The following CDH3 variants were observed in gnomAD, a reference collection of about 807,000 sequenced individuals.
CDH3 encodes cadherin-3.
In CDH3, 54 loss-of-function variants were observed where a neutral mutation model predicts 82.0. The observed-to-expected ratio is 0.66, with a 90% CI of 0.53 to 0.83. The LOEUF (loss-of-function observed/expected upper bound fraction) is 0.83, where lower values mean the gene tolerates loss of function less well. Ranked by LOEUF, CDH3 falls within the 40% of genes least tolerant of loss-of-function variation. The pLI is 0.00. For synonymous variants in CDH3, 446 were observed against 437.9 expected (o/e 1.02, Z -0.23); for missense variants, 1,054 against 1,084.6 (o/e 0.97, Z 0.40).
At chr16:68,680,783 C>G (rs1458638081) in intron 7 of CDH3, among the ~76,000 whole-genome samples, 185 bp from the exon 8 acceptor site, 1 of 152,202 alleles carries the variant, frequency 6.6e-6, no homozygotes, top group African/African-American at 2.4e-5. Flanking sequence ...CTCGTTCCCT[C>G]TCCAACAGCA....
chr16:68,675,632 T>C (rs1961009803), intron 2 of CDH3, among the ~76,000 whole-genome samples: 1 of 151,688 alleles, frequency 6.6e-6, no homozygotes, highest in Admixed American at 6.6e-5. Flanking sequence ...CAATCTCTAC[T>C]AAAAAACAAA....
chr16:68,685,309 G>A lies in CDH3; in HGVS notation c.1529G>A (p.Arg510Lys). ...TLDREDEQFV[R>K]NNIYEVMVLA... is the part of the protein sequence containing the mutation. ...GACCGTGAGGATGAGCAGTTTGTGA[G>A]GAACAACATCTATGAAGTCATGGTC... is the stretch of plus-strand genomic sequence containing the variant. The change falls in exon 11 of 16, where the codon AGG becomes AAG. Residue 510 changes from arginine to lysine, a missense_variant. Physicochemically the swap from Arg to Lys is conservative, Grantham distance 26. Coordinates refer to ENST00000264012, the MANE Select transcript of CDH3 (RefSeq NM_001793.6). 3 of 1,614,164 alleles carry A rather than the reference G, an allele frequency of 1.9e-6. No homozygotes were observed. Among genetic ancestry groups the A allele is most frequent in the Non-Finnish European group, 2.5e-6 (3 of 1,180,028 alleles).
chr16:68,691,618 A>G, intron 12 of CDH3, 102 bp from the exon 13 acceptor site: 1 of 892,534 alleles, frequency 1.1e-6, no homozygotes, highest in Non-Finnish European at 1.9e-6. Context: ...ATTTCTCTGC[A>G]TTGCCCACAT....
At chr16:68,691,618 A>AT in intron 12 of CDH3, 102 bp from the exon 13 acceptor site, 1 of 892,534 alleles carries the variant, frequency 1.1e-6, no homozygotes, top group South Asian at 1.3e-5. Flanking sequence ...ATTTCTCTGC[A>AT]TTGCCCACAT....
chr16:68,731,020 C>CAAAAAAAAA (rs1168041237), downstream of CDH3, among the ~76,000 whole-genome samples: 1 of 34,918 alleles, frequency 2.9e-5, no homozygotes, highest in Non-Finnish European at 4.2e-5. Flanking sequence ...AACTCCGTCT[C>CAAAAAAAAA]AAAAAAAAAA....
At chr16:68,659,517 G>A (rs1328896146) in intron 2 of CDH3, among the ~76,000 whole-genome samples, 1 of 151,664 alleles carries the variant, frequency 6.6e-6, no homozygotes, top group African/African-American at 2.4e-5. Flanking sequence ...GGAGGTTGCA[G>A]TGAGCCAAGA....
At chr16:68,718,888 G>A (rs1962125511) in intron 1 of CDH3, among the ~76,000 whole-genome samples, 1 of 152,048 alleles carries the variant, frequency 6.6e-6, no homozygotes, top group Non-Finnish European at 1.5e-5. Context: ...TCATTAACTG[G>A]TAAATGGATA....
Position 68,698,400 on chromosome 16 carries a change from G to A in CDH3, c.2490G>A (p.Ter830=), listed in dbSNP as rs541518349. 1 of 1,613,678 alleles carries A rather than the reference G, an allele frequency of 6.2e-7. No individual in the cohort carries two copies. The highest frequency in any genetic ancestry group is 1.7e-5 in the Admixed American group (1 of 60,028). ...TGTACGGTGGCGGGGAGGACGACTA[G>A]GCGGCCTGCCTGCAGGGCTGGGGAC... ...ADMYGGGEDD[*] The change falls in exon 16 of 16, where the codon TAG becomes TAA. Residue 830 remains the stop codon, a stop_retained_variant. Coordinates refer to ENST00000264012, the MANE Select transcript of CDH3 (RefSeq NM_001793.6).
chr16:68,684,715 G>T lies in CDH3; in HGVS notation c.1315G>T (p.Val439Leu), dbSNP rs150520891. ...CGTGGAGGATGTGAATGAGGCACCT[G>T]TGTTTGTCCCACCCTCCAAAGTCGT... ...VHVEDVNEAPVFVPPSKVVEV... is the reference protein window; with the variant it reads ...VHVEDVNEAPLFVPPSKVVEV... Residue 439 changes from valine to leucine, a missense_variant, in exon 10 of 16, where the codon GTG becomes TTG. By Grantham distance (32) the Val-to-Leu change is conservative. Coordinates refer to ENST00000264012, the MANE Select transcript of CDH3 (RefSeq NM_001793.6). 6.2e-7 allele frequency: 1 copy of T among 1,614,098 alleles called. No individual in the cohort carries two copies. Among genetic ancestry groups the T allele is most frequent in the African/African-American group, 1.3e-5 (1 of 74,940 alleles).
chr16:68,696,000 C>CCTGG, intron 15 of CDH3, 77 bp downstream of exon 15: 1 of 1,510,274 alleles, frequency 6.6e-7, no homozygotes. Flanking sequence ...CAAGCATGGG[C>CCTGG]CTGGAGTCTT....
chr16:68,663,588 A>C (rs1180900170), intron 2 of CDH3, among the ~76,000 whole-genome samples: 2 of 151,922 alleles, frequency 1.3e-5, no homozygotes, highest in African/African-American at 4.8e-5. Flanking sequence ...CATTTTTAAG[A>C]GATTCATCTT....
intron 2 of CDH3, among the ~76,000 whole-genome samples, chr16:68,653,713 G>A (rs1470829025): frequency 2.1e-5 from 3 of 141,468 alleles, no homozygotes; most frequent in East Asian, 2.1e-4. Context: ...TTTTTGAGAC[G>A]GAGTCTCGCT....
chr16:68,666,004 C>T (rs943447473), intron 2 of CDH3, among the ~76,000 whole-genome samples: 1 of 152,120 alleles, frequency 6.6e-6, no homozygotes, highest in African/African-American at 2.4e-5. Context: ...CCATACGGGA[C>T]CTTTGTCTTT....
chr16:68,710,093 A>G (rs1962008461), intron 1 of CDH3, among the ~76,000 whole-genome samples: 1 of 152,220 alleles, frequency 6.6e-6, no homozygotes, highest in Non-Finnish European at 1.5e-5. Context: ...CATTGGGGGA[A>G]GGAACCCACA....
intron 13 of CDH3, among the ~76,000 whole-genome samples, 182 bp from the exon 14 acceptor site, chr16:68,695,073 C>G (rs3785135): frequency 6.6e-6 from 1 of 151,918 alleles, no homozygotes; most frequent in East Asian, 1.9e-4. Flanking sequence ...TAGGCTGGGA[C>G]CAAATCTTGC....
intron 1 of CDH3, among the ~76,000 whole-genome samples, chr16:68,712,698 T>C (rs958292346): frequency 4.6e-5 from 7 of 152,020 alleles, no homozygotes; most frequent in South Asian, 2.1e-4. Context: ...CTTTTTTTTT[T>C]TGAGATGGCG....
chr16:68,676,128 C>T (rs900138660), intron 2 of CDH3, among the ~76,000 whole-genome samples: 1 of 152,184 alleles, frequency 6.6e-6, no homozygotes, highest in Non-Finnish European at 1.5e-5. Context: ...TCTTGGTCCT[C>T]TGGGACCAAG....
At chr16:68,682,601 G>A in intron 9 of CDH3, 114 bp downstream of exon 9, 1 of 964,260 alleles carries the variant, frequency 1.0e-6, no homozygotes, top group South Asian at 1.3e-5. Context: ...TACCAGCCCA[G>A]TGGCTCCCAA....
At chr16:68,669,348 G>A (rs1369944081) in intron 2 of CDH3, among the ~76,000 whole-genome samples, 1 of 152,166 alleles carries the variant, frequency 6.6e-6, no homozygotes, top group Non-Finnish European at 1.5e-5. Context: ...TAGAGCTGAT[G>A]GGGCCAGCTC....
Sources: allele counts gnomAD v4.1 joint callset (sites outside exome capture counted in the v4.1 genomes callset), GRCh38; gene constraint gnomAD v4.1.1; transcripts MANE v1.5; gene names NCBI Gene and HGNC (gene_info 2026-07-23, HGNC 2026-07-21).